TGFBI: variants seen among roughly 807,000 people sequenced by gnomAD.
TGFBI encodes transforming growth factor-beta-induced protein ig-h3.
In TGFBI, 50 loss-of-function variants were observed where a neutral mutation model predicts 73.7. The observed-to-expected ratio is 0.68, with a 90% CI of 0.54 to 0.86. The LOEUF (loss-of-function observed/expected upper bound fraction) is 0.86, where lower values mean the gene tolerates loss of function less well. TGFBI is among the 40% of genes least tolerant of loss of function. TGFBI has a pLI of 0.00. For synonymous variants in TGFBI, 362 were observed against 360.5 expected (o/e 1.00, Z -0.05); for missense variants, 839 against 877.0 (o/e 0.96, Z 0.55).
At chr5:136,042,957 CT>C (rs1751365094) in intron 2 of TGFBI, among the ~76,000 whole-genome samples, 1 of 152,174 alleles carries the variant, frequency 6.6e-6, no homozygotes, top group Non-Finnish European at 1.5e-5. Context: ...TCCAGTCGGC[CT>C]GTTTCTTTCC....
At chr5:136,062,558 C>T in intron 15 of TGFBI, 105 bp from the exon 16 acceptor site, 1 of 1,219,816 alleles carries the variant, frequency 8.2e-7, no homozygotes, top group Admixed American at 2.0e-5. Flanking sequence ...CTTCCTCGCC[C>T]CAGCATTTTT....
chr5:136,056,912 A>T, intron 12 of TGFBI, 117 bp downstream of exon 12: 1 of 1,326,752 alleles, frequency 7.5e-7, no homozygotes, highest in Non-Finnish European at 1.0e-6. Flanking sequence ...TGACAAGACT[A>T]TTAGTGAAAG....
chr5:136,053,573 C>T (rs1490702169), intron 8 of TGFBI, among the ~76,000 whole-genome samples: 1 of 152,260 alleles, frequency 6.6e-6, no homozygotes. Context: ...GTGAAGGAAT[C>T]TCACAGGAAA....
chr5:136,062,335 G>A (rs1410820227), intron 15 of TGFBI, among the ~76,000 whole-genome samples: 1 of 151,990 alleles, frequency 6.6e-6, no homozygotes, highest in Non-Finnish European at 1.5e-5. Context: ...CCTCGAGAAG[G>A]ATTCTTGGCC....
At chr5:136,059,051 C>A in intron 12 of TGFBI, 39 bp from the exon 13 acceptor site, 1 of 1,597,924 alleles carries the variant, frequency 6.3e-7, no homozygotes, top group Non-Finnish European at 8.5e-7. Context: ...AATTACCATT[C>A]TTGGGATTAA....
intron 2 of TGFBI, among the ~76,000 whole-genome samples, chr5:136,035,222 C>G (rs191358127): frequency 6.6e-6 from 1 of 152,248 alleles, no homozygotes; most frequent in African/African-American, 2.4e-5. Flanking sequence ...GACACACTGC[C>G]AAGATTCAGC....
chr5:136,042,770 C>T (rs1751362079), intron 2 of TGFBI, among the ~76,000 whole-genome samples: 1 of 152,196 alleles, frequency 6.6e-6, no homozygotes, highest in African/African-American at 2.4e-5. Flanking sequence ...GCCACCTGAG[C>T]ATCTTAGCTG....
In TGFBI at chr5:136,038,546, C is replaced by T. The variant is rs45496196; in HGVS notation, c.233+4685C>T. 3.4e-3 allele frequency among the ~76,000 whole-genome samples: 516 copies of T among 151,828 alleles called. 6 individuals are homozygous for T. The highest frequency in any genetic ancestry group is 0.012 in the African/African-American group (485 of 41,380). ...CCTGACCAACATGGTGAAACTCCCCCTCTAGTAAAAAAAAAAATACAAAAA... is the reference window on the plus strand; with the variant it reads ...CCTGACCAACATGGTGAAACTCCCCTTCTAGTAAAAAAAAAAATACAAAAA... On this transcript the variant is annotated intron_variant, in intron 2 of 16. Coordinates refer to ENST00000442011, the MANE Select transcript of TGFBI (RefSeq NM_000358.3).
At chr5:136,055,853 G>A in intron 11 of TGFBI, 37 bp downstream of exon 11, 1 of 1,567,646 alleles carries the variant, frequency 6.4e-7, no homozygotes, top group Non-Finnish European at 8.7e-7. Flanking sequence ...CTTCTGCCCA[G>A]TGGTCATGCT....
chr5:136,049,415 C>A (rs911154009), intron 6 of TGFBI, 24 bp from the exon 7 acceptor site: 1 of 1,611,892 alleles, frequency 6.2e-7, no homozygotes, highest in East Asian at 2.2e-5. Flanking sequence ...TCAGGGAGCA[C>A]TCCATCTTCT....
intron 6 of TGFBI, chr5:136,048,420 C>G (rs1348898610): frequency 2.6e-5 from 4 of 152,272 alleles, no homozygotes; most frequent in Non-Finnish European, 5.9e-5. Flanking sequence ...CACATACTTA[C>G]TAGGTACCTG....
intron 1 of TGFBI, among the ~76,000 whole-genome samples, chr5:136,030,432 G>A (rs2062492811): frequency 6.6e-6 from 1 of 152,140 alleles, no homozygotes; most frequent in African/African-American, 2.4e-5. Context: ...CCTTTCAGGA[G>A]TTTGGGGCTC....
chr5:136,035,518 G>C (rs1040747315), intron 2 of TGFBI, among the ~76,000 whole-genome samples: 1 of 151,472 alleles, frequency 6.6e-6, no homozygotes, highest in Non-Finnish European at 1.5e-5. Context: ...CCAGCTACTC[G>C]GGAGGCTGAG....
In TGFBI at chr5:136,046,345, C is replaced by T; in HGVS notation, c.309C>T (p.Leu103=). The T allele has an allele frequency of 6.2e-7, 1 of 1,613,940 alleles. No homozygotes were observed. Among genetic ancestry groups the T allele is most frequent in the Non-Finnish European group, 8.5e-7 (1 of 1,179,864 alleles). Residue 103 remains leucine, a synonymous_variant, in exon 4 of 17, where the codon CTC becomes CTT. Transcript: ENST00000442011. The stretch of plus-strand genomic sequence containing the variant: ...CTTCTGCTCCTGCAGCCCTACCACT[C>T]TCAAACCTTTACGAGACCCTGGGAG... ...GEKGCPAALP[L]SNLYETLGVV...
At chr5:136,055,659 C>A in intron 10 of TGFBI, 21 bp from the exon 11 acceptor site, 1 of 1,562,654 alleles carries the variant, frequency 6.4e-7, no homozygotes, top group Non-Finnish European at 8.7e-7. Context: ...TCCTTTCTTT[C>A]TCTGTCCCTC....
chr5:136,058,610 A>G (rs1167600551), intron 12 of TGFBI, among the ~76,000 whole-genome samples: 1 of 152,206 alleles, frequency 6.6e-6, no homozygotes, highest in Non-Finnish European at 1.5e-5. Context: ...GGAAATAGCC[A>G]TCTCAAACAG....
At chr5:136,033,528 T>C (rs1428721741) in intron 1 of TGFBI, among the ~76,000 whole-genome samples, 1 of 152,122 alleles carries the variant, frequency 6.6e-6, no homozygotes, top group Non-Finnish European at 1.5e-5. Context: ...GTTACATCAG[T>C]ATGTAAGAGA....
chr5:136,039,003 G>A (rs1751281591), intron 2 of TGFBI, among the ~76,000 whole-genome samples: 1 of 152,202 alleles, frequency 6.6e-6, no homozygotes, highest in Admixed American at 6.5e-5. Flanking sequence ...AAAGCAATGG[G>A]AAGCCAACAC....
chr5:136,047,478 G>A (rs1331346582), intron 6 of TGFBI, 58 bp downstream of exon 6: 9 of 1,603,364 alleles, frequency 5.6e-6, no homozygotes, highest in African/African-American at 1.3e-5. Flanking sequence ...CCCAAGAGGG[G>A]CCTAGCAGGA....
Sources: allele counts gnomAD v4.1 joint callset (sites outside exome capture counted in the v4.1 genomes callset), GRCh38; gene constraint gnomAD v4.1.1; transcripts MANE v1.5; gene names NCBI Gene and HGNC (gene_info 2026-07-23, HGNC 2026-07-21).